NFIB: variants seen among roughly 807,000 people sequenced by gnomAD.
NFIB encodes the protein nuclear factor 1 B-type.
In NFIB, 11 loss-of-function variants were observed where a neutral mutation model predicts 61.5. The ratio of observed to expected loss-of-function variants is 0.18; its 90% CI spans 0.11 to 0.30. The LOEUF (loss-of-function observed/expected upper bound fraction) is 0.30, where lower values mean the gene tolerates loss of function less well. Ranked by LOEUF, NFIB falls within the 10% of genes least tolerant of loss-of-function variation. The pLI, the probability that NFIB is intolerant of heterozygous loss-of-function variation, is 1.00. For synonymous variants in NFIB, 260 were observed against 216.5 expected, an observed-to-expected ratio of 1.20 and a Z score of -1.76; for missense variants, 471 against 608.9, an observed-to-expected ratio of 0.77 and a Z score of 2.38.
Position 14,085,154 on chromosome 9 carries a change from C to G in NFIB, c.*3155G>C, listed in dbSNP as rs146924070. ...GCTAGGATCCCGCTGTGCTGTTCAG[C>G]ATTTGGGCTATCAAACTGAATGGGC... On this transcript the variant is annotated 3_prime_UTR_variant, in exon 11 of 11. Coordinates refer to ENST00000380953, the MANE Select transcript of NFIB (RefSeq NM_001190737.2). 163 of 229,448 alleles carry G rather than the reference C, an allele frequency of 7.1e-4. No homozygotes were observed. The highest frequency in any genetic ancestry group is 3.2e-3 in the African/African-American group (146 of 45,256). The allele number at this position is 229,448 out of a possible 1,614,324, so 14.2% of individuals were successfully genotyped here. A position where few individuals can be genotyped will look rare whatever the true frequency, so the allele number is the denominator to read the frequency against.
At chr9:14,134,821 C>T (rs1200789225) in intron 6 of NFIB, among the ~76,000 whole-genome samples, 1 of 144,772 alleles carries the variant, frequency 6.9e-6, no homozygotes, top group East Asian at 2.2e-4. Flanking sequence ...TTGCTTGAAC[C>T]AGGGAGGTGG....
the NFIB span, among the ~76,000 whole-genome samples, chr9:14,429,230 A>C: frequency 6.6e-6 from 1 of 152,172 alleles, no homozygotes; most frequent in Non-Finnish European, 1.5e-5. Flanking sequence ...GGCTCTGGAA[A>C]GGAAAGGAAG....
At chr9:14,521,434 T>A in the NFIB span, among the ~76,000 whole-genome samples, 2 of 152,174 alleles carry the variant, frequency 1.3e-5, no homozygotes, top group South Asian at 2.1e-4. Context: ...GCACTGCCCA[T>A]TATCAGCCGA....
chr9:14,353,894 G>C (rs2061144659), intron 1 of NFIB, among the ~76,000 whole-genome samples: 1 of 148,938 alleles, frequency 6.7e-6, no homozygotes, highest in African/African-American at 2.5e-5. Context: ...AGGCTGACAG[G>C]ACAATGCCTG....
chr9:14,447,713 T>G, the NFIB span, among the ~76,000 whole-genome samples: 1 of 152,138 alleles, frequency 6.6e-6, no homozygotes, highest in Non-Finnish European at 1.5e-5. Context: ...GTATAATTCT[T>G]TGGGATACAG....
chr9:14,190,419 A>G (rs2047819876), intron 2 of NFIB, among the ~76,000 whole-genome samples: 1 of 152,208 alleles, frequency 6.6e-6, no homozygotes, highest in Non-Finnish European at 1.5e-5. Context: ...TTATCAAAAT[A>G]TTAGAGGAAA....
the NFIB span, among the ~76,000 whole-genome samples, chr9:14,460,507 T>C: frequency 4.0e-5 from 6 of 151,170 alleles, no homozygotes; most frequent in Non-Finnish European, 5.9e-5. Context: ...CCCTAAAACT[T>C]AAAGTATAAT....
rs181486760 is a variant in NFIB at position 14,387,570 on chromosome 9, A to G, written c.108+10954T>C. Among the ~76,000 whole-genome samples the G allele has an allele frequency of 1.6e-4, 25 of 152,354 alleles. No individual in the cohort carries two copies. In the East Asian group the frequency reaches 3.1e-3, roughly 19 times the overall value. ...AATGAGCAAAGGATAGAAATTGAGG[A>G]TTCATAAGCTATAAACATATGCCAG... On this transcript the variant is annotated intron_variant, in intron 1 of 8. Transcript: ENST00000380934.
the NFIB span, among the ~76,000 whole-genome samples, chr9:14,501,830 C>G: frequency 2.0e-5 from 3 of 152,246 alleles, no homozygotes; most frequent in Admixed American, 1.3e-4. Flanking sequence ...TTCTCTCCCC[C>G]TGCCTTGGAG....
chr9:14,339,336 G>C (rs574824521), intron 1 of NFIB, among the ~76,000 whole-genome samples: 10 of 152,304 alleles, frequency 6.6e-5, no homozygotes, highest in African/African-American at 1.9e-4. Flanking sequence ...AACGGAAGTT[G>C]TAAGACTATT....
intron 2 of NFIB, among the ~76,000 whole-genome samples, chr9:14,180,160 A>G (rs1017440040): frequency 1.3e-5 from 2 of 152,218 alleles, no homozygotes; most frequent in Non-Finnish European, 2.9e-5. Flanking sequence ...AAGTGTAATT[A>G]AACGTGCATT....
At chr9:14,331,713 A>G (rs2060822591) in intron 1 of NFIB, among the ~76,000 whole-genome samples, 1 of 152,208 alleles carries the variant, frequency 6.6e-6, no homozygotes, top group Admixed American at 6.5e-5. Flanking sequence ...AGCCACGCAA[A>G]GGCTATGTGA....
At chr9:14,431,623 TTTTTG>T in the NFIB span, among the ~76,000 whole-genome samples, 1 of 147,480 alleles carries the variant, frequency 6.8e-6, no homozygotes, top group Non-Finnish European at 1.5e-5. Flanking sequence ...TCTCCACCAT[TTTTTG>T]TTTTGTTTTT....
rs967420559 is a variant in NFIB, at chr9:14,371,390, T to C, written c.108+27134A>G. 1.3e-5 allele frequency among the ~76,000 whole-genome samples: 2 copies of C among 152,296 alleles called. 1 individual carries two copies. Among genetic ancestry groups the C allele is most frequent in the Admixed American group, 1.3e-4 (2 of 15,308 alleles). ...GAAATCCTTGTTGAAGCGTTTTCAGTGGTATTATAGGATTTGTTTTGAAGA... is the reference window on the plus strand; with the variant it reads ...GAAATCCTTGTTGAAGCGTTTTCAGCGGTATTATAGGATTTGTTTTGAAGA... On this transcript the variant is annotated intron_variant, in intron 1 of 8. Transcript: ENST00000380934.
chr9:14,515,190 G>C, the NFIB span, among the ~76,000 whole-genome samples: 1 of 152,006 alleles, frequency 6.6e-6, no homozygotes, highest in Non-Finnish European at 1.5e-5. Context: ...AAGGGGCATT[G>C]GGAAGCTATC....
chr9:14,301,148 C>A (rs377598177), intron 2 of NFIB, among the ~76,000 whole-genome samples: 8 of 152,116 alleles, frequency 5.3e-5, no homozygotes, highest in African/African-American at 1.4e-4. Context: ...CAATAGATGG[C>A]CTCTCTCAAT....
the NFIB span, among the ~76,000 whole-genome samples, chr9:14,488,705 A>C: frequency 6.6e-6 from 1 of 152,182 alleles, no homozygotes; most frequent in East Asian, 1.9e-4. Flanking sequence ...TAATGATTCT[A>C]ACTGCTGGTC....
intron 1 of NFIB, among the ~76,000 whole-genome samples, chr9:14,346,368 C>CGT (rs1159073236): frequency 6.8e-6 from 1 of 146,302 alleles, no homozygotes; most frequent in Non-Finnish European, 1.5e-5. Flanking sequence ...TCCGGACGGG[C>CGT]GTCATCTGCC....
At chr9:14,102,483 G>A (rs2035925446) in intron 10 of NFIB, 4 of 1,550,276 alleles carry the variant, frequency 2.6e-6, no homozygotes, top group Non-Finnish European at 3.5e-6. Context: ...CTGCCGTTTT[G>A]ATTCATGGTC....
Sources: gnomAD v4.1 joint callset for allele counts (sites outside exome capture counted in the v4.1 genomes callset) on GRCh38, gnomAD v4.1.1 for gene constraint, MANE v1.5 for transcripts, NCBI Gene and HGNC (gene_info 2026-07-23, HGNC 2026-07-21) for gene names.